Variants in FBXL14 observed in about 807,000 individuals in gnomAD.
FBXL14 encodes the protein F-box/LRR-repeat protein 14.
Under a neutral mutation model 24.5 loss-of-function variants are expected in FBXL14, and 11 were observed. That is an observed-to-expected ratio of 0.45 (90% CI 0.28 to 0.74). The LOEUF (loss-of-function observed/expected upper bound fraction) is 0.74, where lower values mean the gene tolerates loss of function less well. FBXL14 is among the 30% of genes least tolerant of loss of function. FBXL14 has a pLI of 0.12. For synonymous variants in FBXL14, 294 were observed against 240.4 expected (o/e 1.22, Z -2.06); for missense variants, 384 against 545.6 (o/e 0.70, Z 2.95).
In FBXL14 at chr12:1,573,986, CAA is replaced by C. The variant is rs1282388873; in HGVS notation, c.1195-7178_1195-7177del. 2.1e-5 allele frequency among the ~76,000 whole-genome samples: 3 copies of C among 142,450 alleles called. No individual in the cohort carries two copies. In the Admixed American group the frequency reaches 2.2e-4, roughly 10 times the overall value. 93.5% of individuals were successfully genotyped at this position (142,450 alleles called of 152,430 possible). On this transcript the variant is annotated intron_variant, in intron 1 of 1. Transcript: ENST00000339235. Reference sequence around the variant, plus strand: ...CACCATTGCACTCCAGCCTGGGCAACAAGAGCGAAACTCCGTCTCAAAAAAAA... The same window carrying C: ...CACCATTGCACTCCAGCCTGGGCAACGAGCGAAACTCCGTCTCAAAAAAAA...
At chr12:1,589,462 AAGGCAGGAAGAC>A (rs201824499) in intron 1 of FBXL14, among the ~76,000 whole-genome samples, 1,589 of 129,496 alleles carry the variant, frequency 0.012, 111 homozygotes, top group African/African-American at 0.048. Flanking sequence ...AAAAGACAGG[AAGGCAGGAAGAC>A]AGGAAGGAAG....
chr12:1,581,229 TG>T (rs1433900309), intron 1 of FBXL14, among the ~76,000 whole-genome samples: 1 of 151,456 alleles, frequency 6.6e-6, no homozygotes, highest in Non-Finnish European at 1.5e-5. Flanking sequence ...GTGGGTGTGC[TG>T]GTAGCAGCTA....
rs1321905921 is a variant in FBXL14, at chr12:1,593,917, G to A, written c.150C>T (p.Ala50=). Residue 50 remains alanine (A), a synonymous_variant, in exon 1 of 2, where the codon GCC becomes GCT. Transcript: ENST00000339235. The surrounding 1 kb of genome is among the most constrained non-coding windows in gnomAD (Gnocchi z 7.4). ...YHKSVWRGVE[A]KLHLRRANPS... is the part of the protein sequence containing the mutation. Reference sequence around the variant, plus strand: ...GGTTGGCCCGGCGCAGGTGCAGCTTGGCCTCCACCCCCCGCCACACCGACT... The same window carrying A: ...GGTTGGCCCGGCGCAGGTGCAGCTTAGCCTCCACCCCCCGCCACACCGACT... 2 of 1,584,102 alleles carry A rather than the reference G, an allele frequency of 1.3e-6. No individual in the cohort carries two copies. The highest frequency in any genetic ancestry group is 4.6e-5 in the East Asian group (2 of 43,824).
Position 1,585,542 on chromosome 12 carries a change from A to G in FBXL14, c.1194+7331T>C, listed in dbSNP as rs73605891. On this transcript the variant is annotated intron_variant, in intron 1 of 1. Transcript: ENST00000339235. ...TGAGAAAAACAATGTTTTCCAAGCC[A>G]TAGTAATTCCACATTAATATTTATG... Among the ~76,000 whole-genome samples the G allele has an allele frequency of 7.5e-3, 1,138 of 152,344 alleles. 12 individuals are homozygous for G. Among genetic ancestry groups the G allele is most frequent in the African/African-American group, 0.025 (1,044 of 41,576 alleles).
Position 1,569,790 on chromosome 12 carries a change from C to A in FBXL14, c.1195-2980G>T, listed in dbSNP as rs2094442380. On this transcript the variant is annotated intron_variant, in intron 1 of 1. Transcript: ENST00000339235. The surrounding 1 kb of genome is among the most constrained non-coding windows in gnomAD (Gnocchi z 4.2). The stretch of plus-strand genomic sequence containing the variant: ...GCTGTCCCACAGAAAAGACTATTGC[C>A]AAAGAGCAGAGCCACTTTTGTTGAA... Among the ~76,000 whole-genome samples the A allele has an allele frequency of 6.6e-6, 1 of 152,186 alleles. No homozygotes were observed. The highest frequency in any genetic ancestry group is 2.1e-4 in the South Asian group (1 of 4,828).
At chr12:1,588,625 A>T in intron 1 of FBXL14, among the ~76,000 whole-genome samples, 1 of 152,192 alleles carries the variant, frequency 6.6e-6, no homozygotes, top group East Asian at 1.9e-4. Flanking sequence ...GCTACACACA[A>T]TGACACTTAG....
chr12:1,574,452 G>A (rs1158721775), intron 1 of FBXL14, among the ~76,000 whole-genome samples: 1 of 146,632 alleles, frequency 6.8e-6, no homozygotes, highest in Non-Finnish European at 1.5e-5. Context: ...GGAGGCTGGT[G>A]GCAGCCGTGT....
chr12:1,582,264 AAAG>A (rs1334083905), intron 1 of FBXL14, among the ~76,000 whole-genome samples: 1 of 152,166 alleles, frequency 6.6e-6, no homozygotes, highest in East Asian at 1.9e-4. Flanking sequence ...AAAGAAAGAG[AAAG>A]AAAACGGAGT....
In FBXL14 at chr12:1,588,961, G is replaced by T. The variant is rs7306137; in HGVS notation, c.1194+3912C>A. Among the ~76,000 whole-genome samples, 1,422 of 151,048 alleles carry T rather than the reference G, an allele frequency of 9.4e-3. 21 individuals are homozygous for T. Among genetic ancestry groups the T allele is most frequent in the African/African-American group, 0.031 (1,256 of 40,998 alleles). ...TCACCCCTATTCCCTTTGAAGTACT[G>T]CCCTATGGCATAAGCTTGTTCATAC... On this transcript the variant is annotated intron_variant, in intron 1 of 1. Coordinates refer to ENST00000339235, the MANE Select transcript of FBXL14 (RefSeq NM_152441.3).
chr12:1,570,104 C>T (rs1235131657), intron 1 of FBXL14, among the ~76,000 whole-genome samples: 2 of 152,234 alleles, frequency 1.3e-5, no homozygotes, highest in Non-Finnish European at 2.9e-5. Context: ...GTGCGGTGTC[C>T]TGTCCACACT....
intron 1 of FBXL14, among the ~76,000 whole-genome samples, chr12:1,577,263 A>G (rs1316165288): frequency 2.0e-5 from 3 of 152,180 alleles, no homozygotes; most frequent in African/African-American, 7.2e-5. Context: ...AGCCGCGCTG[A>G]GCGTGGGGCA....
chr12:1,571,195 GT>G (rs201436877), intron 1 of FBXL14, among the ~76,000 whole-genome samples: 5 of 136,150 alleles, frequency 3.7e-5, no homozygotes, highest in Admixed American at 7.4e-5. Context: ...TTCTGGTGGG[GT>G]TTTTTTTGTT....
At chr12:1,572,313 A>T (rs905600814) in intron 1 of FBXL14, among the ~76,000 whole-genome samples, 10 of 152,222 alleles carry the variant, frequency 6.6e-5, no homozygotes, top group Admixed American at 3.3e-4. Context: ...CAGATGCATA[A>T]CCCCATGAAA....
intron 1 of FBXL14, among the ~76,000 whole-genome samples, chr12:1,574,014 GAAAA>G (rs200835470): frequency 0.059 from 6,886 of 116,718 alleles, 187 homozygotes; most frequent in African/African-American, 0.1. Flanking sequence ...TCAAAAAAAA[GAAAA>G]AAAAAAAAAA....
At chr12:1,576,928 G>A (rs970250284) in intron 1 of FBXL14, among the ~76,000 whole-genome samples, 1 of 152,142 alleles carries the variant, frequency 6.6e-6, no homozygotes, top group Non-Finnish European at 1.5e-5. Flanking sequence ...CAATAAACCG[G>A]CAGGATTTTG....
At chr12:1,570,785 C>G (rs940825886) in intron 1 of FBXL14, among the ~76,000 whole-genome samples, 1 of 152,096 alleles carries the variant, frequency 6.6e-6, no homozygotes, top group Non-Finnish European at 1.5e-5. Context: ...ATGACGTGAC[C>G]ATCGAGACCA....
At chr12:1,573,629 A>AAGGGTG (rs1014016059) in intron 1 of FBXL14, among the ~76,000 whole-genome samples, 1 of 152,206 alleles carries the variant, frequency 6.6e-6, no homozygotes, top group African/African-American at 2.4e-5. Flanking sequence ...CCAGGACTTA[A>AAGGGTG]AGGGTGAGGA....
At chr12:1,571,061 C>T (rs2094444669) in intron 1 of FBXL14, among the ~76,000 whole-genome samples, 2 of 152,242 alleles carry the variant, frequency 1.3e-5, no homozygotes, top group Admixed American at 6.5e-5. Context: ...ATTGCTATGA[C>T]TGCCTGATTG....
intron 1 of FBXL14, among the ~76,000 whole-genome samples, chr12:1,576,800 A>G (rs879433464): frequency 1.3e-5 from 2 of 152,206 alleles, no homozygotes; most frequent in African/African-American, 2.4e-5. Flanking sequence ...CTCGGCCTGT[A>G]AAAGCTGCCA....
Sources: allele counts gnomAD v4.1 joint callset (sites outside exome capture counted in the v4.1 genomes callset), GRCh38; gene constraint gnomAD v4.1.1; non-coding constraint Gnocchi (gnomAD v3.1); transcripts MANE v1.5; gene names NCBI Gene and HGNC (gene_info 2026-07-23, HGNC 2026-07-21).